Variants in AKAP13 observed in about 807,000 individuals in gnomAD.
AKAP13 encodes the protein A-kinase anchor protein 13.
AKAP13 carries 80 observed loss-of-function variants against 264.5 expected under a neutral mutation model. The ratio of observed to expected loss-of-function variants is 0.30; its 90% CI spans 0.25 to 0.36. The LOEUF is 0.36. Ranked by LOEUF, AKAP13 falls within the 10% of genes least tolerant of loss-of-function variation. The pLI, the probability that AKAP13 is intolerant of heterozygous loss-of-function variation, is 1.00. For missense variants in AKAP13, 3,712 were observed against 3,435.2 expected, an observed-to-expected ratio of 1.08 and a Z score of -2.01; for synonymous variants, 1,380 against 1,250.2, an observed-to-expected ratio of 1.10 and a Z score of -2.19.
intron 1 of AKAP13, among the ~76,000 whole-genome samples, chr15:85,383,075 T>G (rs1395929997): frequency 6.6e-6 from 1 of 152,148 alleles, no homozygotes; most frequent in Non-Finnish European, 1.5e-5. Flanking sequence ...TATTGTTTTT[T>G]TTTAGAGTCG....
intron 1 of AKAP13, among the ~76,000 whole-genome samples, chr15:85,421,535 A>T (rs2072520230): frequency 1.3e-5 from 2 of 152,254 alleles, no homozygotes; most frequent in African/African-American, 4.8e-5. Flanking sequence ...TTGATTTGAG[A>T]GGTTGCAGGA....
At chr15:85,709,164 A>G (rs2086485251) in intron 18 of AKAP13, among the ~76,000 whole-genome samples, 1 of 152,176 alleles carries the variant, frequency 6.6e-6, no homozygotes. Flanking sequence ...AGTTCTCCTG[A>G]AAAAACTGGA....
At position 85,553,845 on chromosome 15, in the gene AKAP13, C is replaced by T. The variant is rs183666428; in HGVS notation, c.662+9890C>T. ...ATTAGATTCTCATAGGAGTGGAAAC[C>T]GTATCGTGAACTGCATATGTGAGGG... On this transcript the variant is annotated intron_variant, in intron 5 of 36. Transcript: ENST00000394518. 8.6e-4 allele frequency among the ~76,000 whole-genome samples: 131 copies of T among 152,180 alleles called. 1 individual carries two copies. Among genetic ancestry groups the T allele is most frequent in the African/African-American group, 2.9e-3 (122 of 41,502 alleles).
rs2079147833 is a variant in AKAP13 at position 85,581,921 on chromosome 15, T to G, written c.3853T>G (p.Leu1285Val). Residue 1285 changes from leucine (L) to valine (V), a missense_variant, in exon 7 of 37, where the codon TTG (leucine) becomes GTG (valine). Transcript: ENST00000394518. ...ACHMSLSSPE[L>V]GPLTKGLESA... ...TCACATGTCACTGTCCAGCCCTGAG[T>G]TGGGTCCTCTCACTAAAGGACTAGA... is the stretch of plus-strand genomic sequence containing the variant. The G allele has an allele frequency of 6.2e-7, 1 of 1,613,974 alleles. No individual in the cohort carries two copies. Among genetic ancestry groups the G allele is most frequent in the South Asian group, 1.1e-5 (1 of 91,086 alleles).
intron 2 of AKAP13, among the ~76,000 whole-genome samples, chr15:85,519,687 T>G (rs181417349): frequency 6.6e-6 from 1 of 152,358 alleles, no homozygotes; most frequent in Non-Finnish European, 1.5e-5. Flanking sequence ...AGCCGTGATA[T>G]TCCTTGGATT....
intron 23 of AKAP13, 123 bp downstream of exon 23, chr15:85,719,449 TATTTA>T: frequency 1.5e-6 from 2 of 1,303,786 alleles, no homozygotes; most frequent in Non-Finnish European, 2.1e-6. Context: ...TCAGGGAACT[TATTTA>T]ATTTCTCTGG....
intron 2 of AKAP13, among the ~76,000 whole-genome samples, chr15:85,487,377 T>C (rs1242129631): frequency 3.3e-5 from 5 of 152,196 alleles, no homozygotes; most frequent in Admixed American, 6.5e-5. Flanking sequence ...CCAGTAAGTA[T>C]GATGTTGTTA....
chr15:85,611,670 G>A (rs979717429), intron 8 of AKAP13, among the ~76,000 whole-genome samples: 3 of 152,120 alleles, frequency 2.0e-5, no homozygotes, highest in African/African-American at 7.2e-5. Context: ...ATACAGATGC[G>A]ATCCTGCCTT....
chr15:85,740,775 A>ACCC (rs34080252), intron 34 of AKAP13, among the ~76,000 whole-genome samples: 310 of 67,364 alleles, frequency 4.6e-3, no homozygotes, highest in Middle Eastern at 8.5e-3. Context: ...ACACACAACC[A>ACCC]CCCCCCCCCC....
In AKAP13 at chr15:85,718,444, A is replaced by G. The variant is rs557026078; in HGVS notation, c.6001+285A>G. Among the ~76,000 whole-genome samples, 5 of 152,330 alleles carry G rather than the reference A, an allele frequency of 3.3e-5. No homozygotes were observed. The South Asian group carries it at 1.0e-3, about 32-fold the overall frequency. On this transcript the variant is annotated intron_variant, in intron 22 of 36. Coordinates refer to ENST00000394518, the MANE Select transcript of AKAP13 (RefSeq NM_007200.5). This position sits in a 1 kb window ranked among gnomAD's most constrained non-coding sequence, Gnocchi z 4.9. ...CTCAGTTTTTTTCCTTACCTACACTAAAAACTAGACTAAACACAAGTCATT... is the reference window on the plus strand; with the variant it reads ...CTCAGTTTTTTTCCTTACCTACACTGAAAACTAGACTAAACACAAGTCATT...
At chr15:85,436,426 A>AG (rs2073298498) in intron 1 of AKAP13, among the ~76,000 whole-genome samples, 2 of 138,996 alleles carry the variant, frequency 1.4e-5, no homozygotes, top group Admixed American at 1.5e-4. Context: ...AAAGTCAACA[A>AG]GGATACCCAG....
At chr15:85,610,161 G>A (rs1262250063) in intron 8 of AKAP13, among the ~76,000 whole-genome samples, 3 of 152,140 alleles carry the variant, frequency 2.0e-5, no homozygotes, top group Non-Finnish European at 2.9e-5. Context: ...TGATGACAAC[G>A]AGATCCCATT....
chr15:85,580,243 C>A lies in AKAP13; in HGVS notation c.2175C>A (p.Thr725=), dbSNP rs2079124465. 1 of 1,614,036 alleles carries A rather than the reference C, an allele frequency of 6.2e-7. No homozygotes were observed. Among genetic ancestry groups the A allele is most frequent in the Non-Finnish European group, 8.5e-7 (1 of 1,180,046 alleles). Reference sequence around the variant, plus strand: ...TCACCTCTGACCCTGTAAGGGATACCCAGGAACGTGCGGATTTTTGTCCTT... The same window carrying A: ...TCACCTCTGACCCTGTAAGGGATACACAGGAACGTGCGGATTTTTGTCCTT... ...HTVTSDPVRD[T]QERADFCPFK... Residue 725 remains threonine (T), a synonymous_variant, in exon 7 of 37, where the codon ACC becomes ACA. Coordinates refer to ENST00000394518, the MANE Select transcript of AKAP13 (RefSeq NM_007200.5).
intron 2 of AKAP13, among the ~76,000 whole-genome samples, chr15:85,487,315 G>A (rs1292330229): frequency 1.3e-5 from 2 of 152,162 alleles, no homozygotes; most frequent in Non-Finnish European, 1.5e-5. Flanking sequence ...AGTGGTGAGC[G>A]CAAACATCCT....
At chr15:85,530,609 A>G (rs974231479) in intron 3 of AKAP13, among the ~76,000 whole-genome samples, 1 of 152,188 alleles carries the variant, frequency 6.6e-6, no homozygotes, top group Admixed American at 6.5e-5. Context: ...AAATTTTGAC[A>G]TTTATTGACA....
chr15:85,525,101 C>T (rs1217606360), intron 3 of AKAP13, among the ~76,000 whole-genome samples: 4 of 140,698 alleles, frequency 2.8e-5, no homozygotes, highest in African/African-American at 1.0e-4. Context: ...CTCTGTGGTC[C>T]AGGCTGGAGT....
chr15:85,590,499 T>G (rs921152814), intron 8 of AKAP13, among the ~76,000 whole-genome samples: 1 of 152,186 alleles, frequency 6.6e-6, no homozygotes, highest in Non-Finnish European at 1.5e-5. Context: ...ACTTTAAAGG[T>G]CCAGTGCTGA....
At position 85,521,647 on chromosome 15, in the gene AKAP13, T is replaced by TCG. The variant is rs2076827222; in HGVS notation, c.181+72_181+73insCG. On this transcript the variant is annotated intron_variant, in intron 3 of 36. Transcript: ENST00000394518. The stretch of plus-strand genomic sequence containing the variant: ...CCCTTTTATTCGATGTTTATGAGTA[T>TCG]AGAGTGACAGGAAGAGTGAAGTGTA... The TCG allele has an allele frequency of 1.1e-5, 16 of 1,511,542 alleles. No homozygotes were observed. The East Asian group carries it at 2.0e-4, about 19-fold the overall frequency. 93.6% of individuals were successfully genotyped at this position (1,511,542 alleles called of 1,614,324 possible).
chr15:85,479,626 A>T (rs926718583), intron 1 of AKAP13, among the ~76,000 whole-genome samples: 6 of 152,158 alleles, frequency 3.9e-5, no homozygotes, highest in Non-Finnish European at 8.8e-5. Context: ...AGAGTGACAA[A>T]AACCCTGTCA....
Sources: allele counts gnomAD v4.1 joint callset (sites outside exome capture counted in the v4.1 genomes callset), GRCh38; gene constraint gnomAD v4.1.1; non-coding constraint Gnocchi (gnomAD v3.1); transcripts MANE v1.5; gene names NCBI Gene and HGNC (gene_info 2026-07-23, HGNC 2026-07-21).